The following SYN2 variants were observed in gnomAD, a reference collection of about 807,000 sequenced individuals.
SYN2 encodes synapsin-2.
In SYN2, 19 loss-of-function variants were observed where a neutral mutation model predicts 50.9. The observed-to-expected ratio is 0.37, with a 90% CI of 0.26 to 0.55. The LOEUF (loss-of-function observed/expected upper bound fraction) is 0.55, where lower values mean the gene tolerates loss of function less well. Among genes scored for constraint, SYN2 ranks in the 20% least tolerant of loss-of-function variants. SYN2 has a pLI of 0.81. For synonymous variants in SYN2, 255 were observed against 224.9 expected (o/e 1.13, Z -1.20); for missense variants, 587 against 576.4 (o/e 1.02, Z -0.19).
chr3:12,170,210 C>T (rs1370137299), intron 10 of SYN2, among the ~76,000 whole-genome samples: 1 of 152,180 alleles, frequency 6.6e-6, no homozygotes, highest in Non-Finnish European at 1.5e-5. Context: ...TCCTGGGACT[C>T]AGGATGCTCC....
chr3:12,054,849 A>T (rs1211899271), intron 1 of SYN2, among the ~76,000 whole-genome samples: 1 of 152,158 alleles, frequency 6.6e-6, no homozygotes, highest in Non-Finnish European at 1.5e-5. Flanking sequence ...AAATGAAATT[A>T]TTAACCCATA....
At chr3:12,121,037 T>C (rs1696546982) in intron 1 of SYN2, among the ~76,000 whole-genome samples, 1 of 152,224 alleles carries the variant, frequency 6.6e-6, no homozygotes, top group South Asian at 2.1e-4. Flanking sequence ...ACTTTACACA[T>C]ACCATAGTGT....
intron 4 of SYN2, 92 bp downstream of exon 4, chr3:12,145,927 C>G (rs1388804228): frequency 5.8e-6 from 9 of 1,554,188 alleles, no homozygotes; most frequent in Non-Finnish European, 7.9e-6. Flanking sequence ...GCAGTAGGCC[C>G]CAGCCCCAGG....
chr3:12,132,901 G>C (rs1185120078), intron 1 of SYN2, among the ~76,000 whole-genome samples: 2 of 152,168 alleles, frequency 1.3e-5, no homozygotes, highest in Non-Finnish European at 2.9e-5. Flanking sequence ...TCCTTTACCA[G>C]ATTGTAGTTG....
rs567712103 is a variant in SYN2 at position 12,049,746 on chromosome 3, A to G, written c.377+44818A>G. Reference sequence around the variant, plus strand: ...ACATTCTTCTCTTTTATTCATTTATATATCCACTGGACGATACATTATGTT... The same window carrying G: ...ACATTCTTCTCTTTTATTCATTTATGTATCCACTGGACGATACATTATGTT... On this transcript the variant is annotated intron_variant, in intron 1 of 12. Coordinates refer to ENST00000621198, the MANE Select transcript of SYN2 (RefSeq NM_133625.6). 5.9e-5 allele frequency among the ~76,000 whole-genome samples: 9 copies of G among 152,278 alleles called. No homozygotes were observed. The South Asian group carries it at 6.2e-4, about 11-fold the overall frequency.
chr3:12,038,913 G>A (rs775285039), intron 1 of SYN2, among the ~76,000 whole-genome samples: 1 of 151,956 alleles, frequency 6.6e-6, no homozygotes, highest in Non-Finnish European at 1.5e-5. Context: ...CTTTCTCCTG[G>A]CTAATTGTCC....
intron 1 of SYN2, among the ~76,000 whole-genome samples, chr3:12,100,963 A>G (rs1696060833): frequency 6.6e-6 from 1 of 152,194 alleles, no homozygotes; most frequent in Admixed American, 6.5e-5. Context: ...TGTTATAATA[A>G]AAAAGATGGA....
intron 1 of SYN2, among the ~76,000 whole-genome samples, chr3:12,104,569 TC>T (rs1449127415): frequency 9.0e-4 from 87 of 96,488 alleles, no homozygotes; most frequent in African/African-American, 3.7e-3. Context: ...TCTTTTCTTT[TC>T]TTTTTTTTTT....
At chr3:12,151,175 G>A (rs1697277856) in intron 4 of SYN2, 62 bp from the exon 5 acceptor site, 2 of 1,158,656 alleles carry the variant, frequency 1.7e-6, no homozygotes, top group African/African-American at 3.0e-5. Flanking sequence ...TTGATGAGTT[G>A]ATGTTTCATC....
intron 1 of SYN2, chr3:12,070,191 A>C (rs941001411): frequency 5.5e-6 from 2 of 364,986 alleles, no homozygotes; most frequent in African/African-American, 4.3e-5. Context: ...ATGTCCTCCT[A>C]CTGCTCTGCC....
At chr3:12,081,025 A>C (rs770195803) in intron 1 of SYN2, among the ~76,000 whole-genome samples, 9 of 152,212 alleles carry the variant, frequency 5.9e-5, no homozygotes, top group Non-Finnish European at 8.8e-5. Flanking sequence ...TCACCTGTTA[A>C]TGTATTTTCA....
intron 1 of SYN2, among the ~76,000 whole-genome samples, chr3:12,114,921 G>C (rs1696398860): frequency 6.6e-6 from 1 of 152,078 alleles, no homozygotes; most frequent in South Asian, 2.1e-4. Context: ...TCCTCTGTTA[G>C]CCTGTAACTT....
In SYN2 at chr3:12,015,561, A is replaced by G. The variant is rs78522391; in HGVS notation, c.377+10633A>G. Reference sequence around the variant, plus strand: ...AACTAGTCAGCAAGTAGTGGTATATATAAAATCTTTTTATAAAGTGTAAAG... The same window carrying G: ...AACTAGTCAGCAAGTAGTGGTATATGTAAAATCTTTTTATAAAGTGTAAAG... On this transcript the variant is annotated intron_variant, in intron 1 of 12. Coordinates refer to ENST00000621198, the MANE Select transcript of SYN2 (RefSeq NM_133625.6). 7.5e-3 allele frequency among the ~76,000 whole-genome samples: 1,146 copies of G among 152,370 alleles called. 11 individuals carry two copies. The highest frequency in any genetic ancestry group is 0.026 in the African/African-American group (1,088 of 41,588).
chr3:12,137,255 A>G (rs1347064864), intron 1 of SYN2, among the ~76,000 whole-genome samples: 1 of 151,662 alleles, frequency 6.6e-6, no homozygotes, highest in Non-Finnish European at 1.5e-5. Flanking sequence ...CTCAAAAAAA[A>G]AAAAAAAAAA....
At chr3:12,005,265 G>A (rs1050566798) in intron 1 of SYN2, among the ~76,000 whole-genome samples, 1 of 152,138 alleles carries the variant, frequency 6.6e-6, no homozygotes, top group African/African-American at 2.4e-5. Flanking sequence ...TGTTAGCTTA[G>A]ACACATAAAA....
intron 1 of SYN2, among the ~76,000 whole-genome samples, chr3:12,035,629 A>G (rs571827839): frequency 4.6e-5 from 7 of 152,348 alleles, no homozygotes; most frequent in African/African-American, 1.7e-4. Context: ...TTGACCGGAA[A>G]AGGTGGGGCA....
chr3:12,081,479 CTT>C (rs368214744), intron 1 of SYN2, among the ~76,000 whole-genome samples: 1 of 148,558 alleles, frequency 6.7e-6, no homozygotes, highest in African/African-American at 2.5e-5. Flanking sequence ...CCTTAATTTA[CTT>C]TTTTTTTTGT....
chr3:12,065,891 A>G (rs1695206216), intron 1 of SYN2, among the ~76,000 whole-genome samples: 2 of 152,046 alleles, frequency 1.3e-5, no homozygotes, highest in Non-Finnish European at 2.9e-5. Context: ...GTAACAAGAG[A>G]CCACATGTTG....
intron 1 of SYN2, among the ~76,000 whole-genome samples, chr3:12,055,281 T>C (rs887238047): frequency 3.3e-5 from 5 of 152,042 alleles, no homozygotes; most frequent in African/African-American, 1.2e-4. Context: ...ACTAAATAAT[T>C]AATGTAAATT....
Sources: allele counts gnomAD v4.1 joint callset (sites outside exome capture counted in the v4.1 genomes callset), GRCh38; gene constraint gnomAD v4.1.1; transcripts MANE v1.5; gene names NCBI Gene and HGNC (gene_info 2026-07-23, HGNC 2026-07-21).